Variants in PKHD1L1 observed in about 807,000 individuals in gnomAD.
The protein encoded by PKHD1L1 is fibrocystin-L.
PKHD1L1 carries 434 observed loss-of-function variants against 462.9 expected under a neutral mutation model. The ratio of observed to expected loss-of-function variants is 0.94; its 90% confidence interval spans 0.87 to 1.02. The LOEUF is 1.02. PKHD1L1 is among the 50% of genes least tolerant of loss of function. The probability of loss-of-function intolerance (pLI) is 0.00; values close to 1 mark genes in which losing one functional copy is unlikely to be tolerated. For synonymous variants in PKHD1L1, 1,781 were observed against 1,750.0 expected (o/e 1.02, Z -0.44); for missense variants, 5,202 against 5,096.1 (o/e 1.02, Z -0.63).
rs376070110 is a variant in PKHD1L1, at chr8:109,443,813, A to G, written c.4702A>G (p.Ile1568Val). 3.1e-6 allele frequency: 5 copies of G among 1,613,760 alleles called. No homozygotes were observed. Among genetic ancestry groups the G allele is most frequent in the South Asian group, 2.2e-5 (2 of 91,084 alleles). ...FEVSSCFSPS[I>V]SNITPSTGTV... Reference sequence around the variant, plus strand: ...GGTTTCAAGTTGTTTTTCACCATCTATAAGCAACATTACTCCGTCCACTGG... The same window carrying G: ...GGTTTCAAGTTGTTTTTCACCATCTGTAAGCAACATTACTCCGTCCACTGG... The change falls in exon 37 of 78, where the codon ATA becomes GTA. Residue 1568 changes from isoleucine to valine, a missense_variant. By Grantham distance (29) the Ile-to-Val change is conservative. Around this residue, in one of 3 missense-constraint regions of PKHD1L1, gnomAD observed 4,497 missense variants for 4,336.8 expected, o/e 1.04. Coordinates refer to ENST00000378402, the MANE Select transcript of PKHD1L1 (RefSeq NM_177531.6).
chr8:109,499,835 G>C (rs755158714), intron 67 of PKHD1L1, among the ~76,000 whole-genome samples: 1 of 152,144 alleles, frequency 6.6e-6, no homozygotes, highest in Non-Finnish European at 1.5e-5. Flanking sequence ...TGAGCTGAAG[G>C]GCAGCTATAC....
In PKHD1L1 at chr8:109,456,248, T is replaced by C; in HGVS notation, c.6875-14T>C. On this transcript the variant is annotated splice_polypyrimidine_tract_variant and intron_variant, in intron 45 of 77. Transcript: ENST00000378402. ...CACATGTAAGGAAATACTCAGTGTG[T>C]ATGTTGGTTCTAGGTGTGCCTGTTC... 3 of 1,608,142 alleles carry C rather than the reference T, an allele frequency of 1.9e-6. No individual in the cohort carries two copies. Among genetic ancestry groups the C allele is most frequent in the Non-Finnish European group, 2.5e-6 (3 of 1,177,694 alleles).
At chr8:109,430,335 AC>A (rs1815027854) in intron 27 of PKHD1L1, among the ~76,000 whole-genome samples, 1 of 152,184 alleles carries the variant, frequency 6.6e-6, no homozygotes, top group Non-Finnish European at 1.5e-5. Context: ...CTAAAATTTC[AC>A]TTGGACACTG....
Position 109,404,992 on chromosome 8 carries a change from T to C in PKHD1L1, c.1534-3T>C, listed in dbSNP as rs1306155854. Reference sequence around the variant, plus strand: ...TTAAAAATGTTTCTTAATTGGAAAATAGGTTATAACATTGGAAAACTGGGA... The same window carrying C: ...TTAAAAATGTTTCTTAATTGGAAAACAGGTTATAACATTGGAAAACTGGGA... On this transcript the variant is annotated splice_region_variant and splice_polypyrimidine_tract_variant and intron_variant, in intron 15 of 77. Transcript: ENST00000378402. 15 of 1,460,244 alleles carry C rather than the reference T, an allele frequency of 1.0e-5. No homozygotes were observed. Among genetic ancestry groups the C allele is most frequent in the Non-Finnish European group, 1.4e-5 (15 of 1,097,416 alleles). The allele number at this position is 1,460,244 out of a possible 1,614,324, so 90.5% of individuals were successfully genotyped here.
Position 109,384,141 on chromosome 8 carries a change from C to A in PKHD1L1, c.475+14C>A. 6.3e-7 allele frequency: 1 copy of A among 1,585,072 alleles called. No individual in the cohort carries two copies. The highest frequency in any genetic ancestry group is 8.6e-7 in the Non-Finnish European group (1 of 1,156,900). On this transcript the variant is annotated intron_variant, in intron 5 of 77. Coordinates refer to ENST00000378402, the MANE Select transcript of PKHD1L1 (RefSeq NM_177531.6). ...CTGGAACTCCAGGTCTGTTATATGA[C>A]ATCTGAAATAACTTTTGGTTTCATG...
At chr8:109,514,383 C>T (rs1307194639) in intron 71 of PKHD1L1, among the ~76,000 whole-genome samples, 1 of 152,108 alleles carries the variant, frequency 6.6e-6, no homozygotes, top group Non-Finnish European at 1.5e-5. Context: ...TTTTGTTTCT[C>T]ATCACTCTTG....
In PKHD1L1 at chr8:109,464,440, T is replaced by C. The variant is rs750174919; in HGVS notation, c.7608T>C (p.Asn2536=). ...FFIEDGIEHG[N]ILQYNLAVFV... ...TAGAAGATGGTATTGAACATGGCAA[T>C]ATCCTCCAGTATAACTTGGCAGTAT... Residue 2536 remains asparagine, a synonymous_variant, in exon 49 of 78, where the codon AAT becomes AAC. Coordinates refer to ENST00000378402, the MANE Select transcript of PKHD1L1 (RefSeq NM_177531.6). 4 of 1,613,674 alleles carry C rather than the reference T, an allele frequency of 2.5e-6. No individual in the cohort carries two copies. The highest frequency in any genetic ancestry group is 2.5e-6 in the Non-Finnish European group (3 of 1,179,730).
intron 73 of PKHD1L1, among the ~76,000 whole-genome samples, chr8:109,519,737 C>T (rs1313328140): frequency 6.6e-6 from 1 of 152,120 alleles, no homozygotes; most frequent in Non-Finnish European, 1.5e-5. Flanking sequence ...GAGAGGTCCT[C>T]ATAATGTGGT....
intron 65 of PKHD1L1, among the ~76,000 whole-genome samples, chr8:109,497,668 C>T (rs147003507): frequency 0.045 from 6,883 of 152,106 alleles, 418 homozygotes; most frequent in African/African-American, 0.14. Flanking sequence ...CCTCGTGATC[C>T]GCCCACATCG....
rs1334325312 is a variant in PKHD1L1, at chr8:109,406,420, A to G, written c.1755A>G (p.Val585=). 1.3e-6 allele frequency: 2 copies of G among 1,595,148 alleles called. No homozygotes were observed. The highest frequency in any genetic ancestry group is 3.5e-5 in the Admixed American group (2 of 57,376). ...LWSIKPDTVQ[V]IRTQNPQSYV... ...CTATAAAACCGGACACAGTTCAAGT[A>G]ATAAGAACACAAAATCCCCAGAGCT... Residue 585 remains valine, a synonymous_variant, in exon 17 of 78, where the codon GTA becomes GTG. Coordinates refer to ENST00000378402, the MANE Select transcript of PKHD1L1 (RefSeq NM_177531.6).
intron 2 of PKHD1L1, among the ~76,000 whole-genome samples, chr8:109,370,489 ATTTTATT>A (rs1811446159): frequency 6.6e-6 from 1 of 151,080 alleles, no homozygotes; most frequent in Non-Finnish European, 1.5e-5. Context: ...TATTTTATTT[ATTTTATT>A]TTTTATTTTT....
At chr8:109,406,854 G>A (rs370136501) in intron 17 of PKHD1L1, among the ~76,000 whole-genome samples, 1 of 151,820 alleles carries the variant, frequency 6.6e-6, no homozygotes, top group East Asian at 1.9e-4. Context: ...GGGAGACACT[G>A]TATACCATGG....
At chr8:109,391,648 T>C (rs1438983829) in intron 9 of PKHD1L1, among the ~76,000 whole-genome samples, 1 of 152,176 alleles carries the variant, frequency 6.6e-6, no homozygotes, top group East Asian at 1.9e-4. Flanking sequence ...CTAATATAGC[T>C]ATAGTAGATT....
chr8:109,492,316 A>G (rs553394797), intron 62 of PKHD1L1, among the ~76,000 whole-genome samples: 1 of 151,912 alleles, frequency 6.6e-6, no homozygotes, highest in South Asian at 2.1e-4. Context: ...AATCTCTAAA[A>G]TTATTTTCTC....
At position 109,382,610 on chromosome 8, in the gene PKHD1L1, T is replaced by C. The variant is rs189868423; in HGVS notation, c.417+39T>C. 221 of 1,521,828 alleles carry C rather than the reference T, an allele frequency of 1.5e-4. No individual in the cohort carries two copies. In the Admixed American group the frequency reaches 1.8e-3, roughly 12 times the overall value. The allele number at this position is 1,521,828 out of a possible 1,614,324, so 94.3% of individuals were successfully genotyped here. ...TTCTCTTCAGTTTATGTATAGTTGA[T>C]CTTGCTTTCTTTCCTGCAGAACTGA... On this transcript the variant is annotated intron_variant, in intron 4 of 77. Transcript: ENST00000378402.
In PKHD1L1 at chr8:109,445,210, G is replaced by GT. The variant is rs1816061626; in HGVS notation, c.5345dup (p.Ile1783HisfsTer12). 1 of 1,613,972 alleles carries GT rather than the reference G, an allele frequency of 6.2e-7. No homozygotes were observed. Among genetic ancestry groups the GT allele is most frequent in the Non-Finnish European group, 8.5e-7 (1 of 1,179,890 alleles). ...GGGGACTGTTTTGGAGGACATTGCT[G>GT]TTTTCATTGGAAATCAACAGTTCAG... On this transcript the variant is annotated frameshift_variant, in exon 38 of 78. Coordinates refer to ENST00000378402, the MANE Select transcript of PKHD1L1 (RefSeq NM_177531.6). LOFTEE classifies it high-confidence loss of function.
chr8:109,456,262 G>T lies in PKHD1L1; in HGVS notation c.6875G>T (p.Gly2292Val). ...AVREGILDLH[G>V]VPVPVTWTRL... Reference sequence around the variant, plus strand: ...TACTCAGTGTGTATGTTGGTTCTAGGTGTGCCTGTTCCTGTGACCTGGACT... The same window carrying T: ...TACTCAGTGTGTATGTTGGTTCTAGTTGTGCCTGTTCCTGTGACCTGGACT... The change falls in exon 46 of 78, where the codon GGT becomes GTT. Residue 2292 changes from glycine (G) to valine (V), a missense_variant and splice_region_variant. By Grantham distance (109) the Gly-to-Val change is moderately radical. Around this residue, in one of 3 missense-constraint regions of PKHD1L1, gnomAD observed 4,497 missense variants for 4,336.8 expected, o/e 1.04. Coordinates refer to ENST00000378402, the MANE Select transcript of PKHD1L1 (RefSeq NM_177531.6). The T allele has an allele frequency of 1.9e-6, 3 of 1,611,904 alleles. No individual in the cohort carries two copies. Among genetic ancestry groups the T allele is most frequent in the Non-Finnish European group, 2.5e-6 (3 of 1,178,998 alleles).
chr8:109,395,347 T>C (rs1297606858), intron 10 of PKHD1L1, among the ~76,000 whole-genome samples: 2 of 152,150 alleles, frequency 1.3e-5, no homozygotes, highest in Non-Finnish European at 2.9e-5. Context: ...TTGTACGTCA[T>C]TCCCGGTCAG....
Position 109,425,204 on chromosome 8 carries a change from C to T in PKHD1L1, c.2817C>T (p.Asp939=). 1 of 1,605,344 alleles carries T rather than the reference C, an allele frequency of 6.2e-7. No individual in the cohort carries two copies. Among genetic ancestry groups the T allele is most frequent in the Non-Finnish European group, 8.5e-7 (1 of 1,177,030 alleles). The stretch of plus-strand genomic sequence containing the variant: ...CTCCACCTCTAAGTGGCAGCTTTGA[C>T]ATTCAAGCTTATGGACATATTCTTA... ...AASPPLSGSF[D]IQAYGHILKG... Residue 939 remains aspartate, a synonymous_variant, in exon 24 of 78, where the codon GAC becomes GAT. Coordinates refer to ENST00000378402, the MANE Select transcript of PKHD1L1 (RefSeq NM_177531.6).
Sources: gnomAD v4.1 joint callset for allele counts (sites outside exome capture counted in the v4.1 genomes callset) on GRCh38, gnomAD v4.1.1 for gene constraint, gnomAD v4.1.1 regional missense constraint, MANE v1.5 for transcripts, NCBI Gene and HGNC (gene_info 2026-07-23, HGNC 2026-07-21) for gene names.